The following ACTR5 variants were observed in gnomAD, a reference collection of about 807,000 sequenced individuals.
ACTR5 encodes actin-related protein 5.
ACTR5 carries 43 observed loss-of-function variants against 61.2 expected under a neutral mutation model. That is an observed-to-expected ratio of 0.70 (90% confidence interval 0.55 to 0.91). The LOEUF (loss-of-function observed/expected upper bound fraction) is 0.91, where lower values mean the gene tolerates loss of function less well. Ranked by LOEUF, ACTR5 falls within the 40% of genes least tolerant of loss-of-function variation. The pLI, the probability that ACTR5 is intolerant of heterozygous loss-of-function variation, is 0.00. For synonymous variants in ACTR5, 333 were observed against 310.5 expected (o/e 1.07, Z -0.76); for missense variants, 798 against 782.2 (o/e 1.02, Z -0.24).
rs1601207491 is a variant in ACTR5 at position 38,772,034 on chromosome 20, C to T, written c.*218C>T. On this transcript the variant is annotated 3_prime_UTR_variant, in exon 9 of 9. Transcript: ENST00000243903. Reference sequence around the variant, plus strand: ...GCTTCTGTGGTAGAGACTAACTGGCCTTCTGATGTCTTTGTTCAACTGTGG... The same window carrying T: ...GCTTCTGTGGTAGAGACTAACTGGCTTTCTGATGTCTTTGTTCAACTGTGG... The T allele has an allele frequency of 1.6e-6, 1 of 607,274 alleles. No individual in the cohort carries two copies. The allele number at this position is 607,274 out of a possible 1,614,324, so 37.6% of individuals were successfully genotyped here.
chr20:38,748,499 G>T lies in ACTR5; in HGVS notation c.21G>T (p.Pro7=). 2 of 1,494,490 alleles carry T rather than the reference G, an allele frequency of 1.3e-6. No individual in the cohort carries two copies. The highest frequency in any genetic ancestry group is 1.8e-6 in the Non-Finnish European group (2 of 1,128,804). The allele number at this position is 1,494,490 out of a possible 1,614,324, so 92.6% of individuals were successfully genotyped here. The change falls in exon 1 of 9, where the codon CCG becomes CCT. Residue 7 remains proline, a synonymous_variant. Coordinates refer to ENST00000243903, the MANE Select transcript of ACTR5 (RefSeq NM_024855.4). ...CCAAGATGGCGGCGAACGTGTTCCC[G>T]TTCCGCGACGCCCGTGCCGCACCGG... MAANVF[P]FRDARAAPDP... is the part of the protein sequence containing the mutation.
At position 38,748,797 on chromosome 20, in the gene ACTR5, G is replaced by C. The variant is rs1208168766; in HGVS notation, c.319G>C (p.Glu107Gln). ...CGACCGCAACGTGCCGGTCAACCTG[G>C]AGCTTCAGGAGTTGCTGCTGGACTA... is the stretch of plus-strand genomic sequence containing the variant. ...PFDRNVPVNLELQELLLDYSF... is the reference protein window; with the variant it reads ...PFDRNVPVNLQLQELLLDYSF... Residue 107 changes from glutamate to glutamine, a missense_variant, in exon 1 of 9, where the codon GAG (glutamate) becomes CAG (glutamine). By Grantham distance (29) the Glu-to-Gln change is conservative. Transcript: ENST00000243903. The C allele has an allele frequency of 6.2e-7, 1 of 1,609,446 alleles. No individual in the cohort carries two copies.
At chr20:38,755,623 C>G (rs2084415877) in intron 4 of ACTR5, among the ~76,000 whole-genome samples, 1 of 151,972 alleles carries the variant, frequency 6.6e-6, no homozygotes, top group South Asian at 2.1e-4. Context: ...GGGTAACAAC[C>G]TTTTAGACAT....
rs183095483 is a variant in ACTR5, at chr20:38,772,276, A to G, written c.*460A>G. On this transcript the variant is annotated 3_prime_UTR_variant, in exon 9 of 9. Transcript: ENST00000243903. ...GTGAGGGGAGGTCTTTCATGCATAT[A>G]AAAAGGTAATGTTTATTGCCGGGCA... The G allele has an allele frequency of 1.2e-3, 208 of 173,386 alleles. No homozygotes were observed. Among genetic ancestry groups the G allele is most frequent in the Non-Finnish European group, 2.0e-3 (162 of 80,148 alleles). 10.7% of individuals were successfully genotyped at this position (173,386 alleles called of 1,614,324 possible).
chr20:38,751,040 A>G (rs1362909860), intron 2 of ACTR5, among the ~76,000 whole-genome samples: 1 of 152,218 alleles, frequency 6.6e-6, no homozygotes, highest in East Asian at 1.9e-4. Flanking sequence ...AGGGTAGTTT[A>G]TGTCATATTT....
In ACTR5 at chr20:38,771,533, T is replaced by C. The variant is rs747625471; in HGVS notation, c.1567-26T>C. On this transcript the variant is annotated intron_variant, in intron 8 of 8. Coordinates refer to ENST00000243903, the MANE Select transcript of ACTR5 (RefSeq NM_024855.4). Reference sequence around the variant, plus strand: ...TTCACTCCTGGAGCCCTGGTGGAGGTGTCCTGGTGAATCTTTGTGTTTCAG... The same window carrying C: ...TTCACTCCTGGAGCCCTGGTGGAGGCGTCCTGGTGAATCTTTGTGTTTCAG... The C allele has an allele frequency of 1.1e-5, 18 of 1,596,190 alleles. No homozygotes were observed. In the South Asian group the frequency reaches 1.8e-4, roughly 16 times the overall value.
chr20:38,759,232 G>T (rs193228452), intron 5 of ACTR5, among the ~76,000 whole-genome samples: 1 of 152,194 alleles, frequency 6.6e-6, no homozygotes, highest in African/African-American at 2.4e-5. Flanking sequence ...TTCTTATGCC[G>T]CTCAAGGCTG....
In ACTR5 at chr20:38,754,946, T is replaced by C. The variant is rs370363764; in HGVS notation, c.776-11T>C. ...TTCCATTTCATAACTTTCAAAATTGTTTCTTTGAAGAATTACACAAATGGC... is the reference window on the plus strand; with the variant it reads ...TTCCATTTCATAACTTTCAAAATTGCTTCTTTGAAGAATTACACAAATGGC... On this transcript the variant is annotated splice_polypyrimidine_tract_variant and intron_variant, in intron 3 of 8. Transcript: ENST00000243903. The C allele has an allele frequency of 6.2e-7, 1 of 1,612,230 alleles. No homozygotes were observed. Among genetic ancestry groups the C allele is most frequent in the African/African-American group, 1.3e-5 (1 of 74,838 alleles).
At chr20:38,762,216 G>A (rs1210093002) in intron 5 of ACTR5, among the ~76,000 whole-genome samples, 1 of 152,192 alleles carries the variant, frequency 6.6e-6, no homozygotes, top group African/African-American at 2.4e-5. Flanking sequence ...CTCAAGGTCT[G>A]GGTTCATGGG....
At position 38,755,084 on chromosome 20, in the gene ACTR5, A is replaced by C. The variant is rs778068411; in HGVS notation, c.903A>C (p.Gln301His). 1.9e-5 allele frequency: 30 copies of C among 1,614,134 alleles called. No individual in the cohort carries two copies. The highest frequency in any genetic ancestry group is 2.4e-5 in the Non-Finnish European group (28 of 1,180,044). The change falls in exon 4 of 9, where the codon CAA becomes CAC. Residue 301 changes from glutamine (Q) to histidine (H), a missense_variant. Physicochemically the swap from Gln to His is conservative, Grantham distance 24. Transcript: ENST00000243903. ...AGAAACAAGAAAGGCGGCAGCAGCAATTGCGGCGGCTGCAGGAGCTCAATG... is the reference window on the plus strand; with the variant it reads ...AGAAACAAGAAAGGCGGCAGCAGCACTTGCGGCGGCTGCAGGAGCTCAATG... ...SEEKQERRQQ[Q>H]LRRLQELNAR...
chr20:38,750,203 A>G lies in ACTR5; in HGVS notation c.569A>G (p.Tyr190Cys). The G allele has an allele frequency of 2.5e-6, 4 of 1,614,224 alleles. No individual in the cohort carries two copies. The highest frequency in any genetic ancestry group is 3.4e-6 in the Non-Finnish European group (4 of 1,180,028). ...AGTGGGCTAATCATTTCATCTGGAT[A>G]CCAGTGTACGCATGTTTTACCCATC... ...MCSGLIISSG[Y>C]QCTHVLPILE... Residue 190 changes from tyrosine to cysteine, a missense_variant, in exon 2 of 9, where the codon TAC becomes TGC. Transcript: ENST00000243903.
intron 5 of ACTR5, 111 bp downstream of exon 5, chr20:38,756,150 A>T: frequency 1.6e-6 from 2 of 1,250,976 alleles, no homozygotes; most frequent in Non-Finnish European, 2.2e-6. Flanking sequence ...AGCAGAGGGG[A>T]TGTGGGTGGT....
intron 7 of ACTR5, among the ~76,000 whole-genome samples, chr20:38,767,188 A>C (rs2084491763): frequency 6.6e-6 from 1 of 152,236 alleles, no homozygotes; most frequent in Admixed American, 6.5e-5. Flanking sequence ...TTTATCCTCA[A>C]GTTTATTTTT....
At chr20:38,755,198 C>T (rs2757521) in intron 4 of ACTR5, 24 bp downstream of exon 4, 394,666 of 1,553,184 alleles carry the variant, frequency 0.25, 50,897 homozygotes, top group Middle Eastern at 0.33. Context: ...CAGGGACGGG[C>T]GCCCTTCCGT....
chr20:38,768,135 G>A (rs115729260), intron 8 of ACTR5, among the ~76,000 whole-genome samples: 1 of 152,124 alleles, frequency 6.6e-6, no homozygotes. Context: ...ATTCAGGGGG[G>A]CGTCTCTGGG....
intron 3 of ACTR5, among the ~76,000 whole-genome samples, chr20:38,754,560 T>C (rs984268986): frequency 4.6e-5 from 7 of 151,018 alleles, no homozygotes; most frequent in Non-Finnish European, 1.0e-4. Context: ...CTACTAAAAA[T>C]TCAAAAAAAT....
rs34487332 is a variant in ACTR5 at position 38,772,004 on chromosome 20, T to TG, written c.*193dup. On this transcript the variant is annotated 3_prime_UTR_variant, in exon 9 of 9. Transcript: ENST00000243903. ...CCTGCCCTTCAGAATTCGGTTCACT[T>TG]GGGGGCTTCTGTGGTAGAGACTAAC... 1 of 791,840 alleles carries TG rather than the reference T, an allele frequency of 1.3e-6. No homozygotes were observed. The highest frequency in any genetic ancestry group is 1.7e-5 in the African/African-American group (1 of 57,432). 49.1% of individuals were successfully genotyped at this position (791,840 alleles called of 1,614,324 possible).
Position 38,749,989 on chromosome 20 carries a change from TG to T in ACTR5, c.376-20del. The T allele has an allele frequency of 6.3e-7, 1 of 1,592,550 alleles. No individual in the cohort carries two copies. Among genetic ancestry groups the T allele is most frequent in the Non-Finnish European group, 8.6e-7 (1 of 1,162,108 alleles). ...AGTATTCTGTTACCACTCATTTATT[TG>T]CCCTTTTCTTTCAAAGTAGGGCTGT... is the stretch of plus-strand genomic sequence containing the variant. On this transcript the variant is annotated intron_variant, in intron 1 of 8. Transcript: ENST00000243903.
Position 38,755,277 on chromosome 20 carries a change from T to C in ACTR5, c.993+103T>C, listed in dbSNP as rs113029636. Reference sequence around the variant, plus strand: ...TTGGCCTTAAGATGCTTTGACTGTTTGTCACCTTTGGGGTCACGAAGGAGT... The same window carrying C: ...TTGGCCTTAAGATGCTTTGACTGTTCGTCACCTTTGGGGTCACGAAGGAGT... On this transcript the variant is annotated intron_variant, in intron 4 of 8. Coordinates refer to ENST00000243903, the MANE Select transcript of ACTR5 (RefSeq NM_024855.4). The C allele has an allele frequency of 8.6e-4, 1,118 of 1,296,098 alleles. 8 individuals carry two copies. In the African/African-American group the frequency reaches 0.015, roughly 17 times the overall value. The allele number at this position is 1,296,098 out of a possible 1,614,324, so 80.3% of individuals were successfully genotyped here. A position where few individuals can be genotyped will look rare whatever the true frequency, so the allele number is the denominator to read the frequency against.
Sources: allele counts gnomAD v4.1 joint callset (sites outside exome capture counted in the v4.1 genomes callset), GRCh38; gene constraint gnomAD v4.1.1; transcripts MANE v1.5; gene names NCBI Gene and HGNC (gene_info 2026-07-23, HGNC 2026-07-21).